The following TTLL5 variants were observed in gnomAD, a reference collection of about 807,000 sequenced individuals.
The protein encoded by TTLL5 is tubulin tyrosine ligase like 5, also known as tubulin polyglutamylase TTLL5.
Under a neutral mutation model 168.4 loss-of-function variants are expected in TTLL5, and 132 were observed. The ratio of observed to expected loss-of-function variants is 0.78; its 90% CI spans 0.68 to 0.91. The LOEUF (loss-of-function observed/expected upper bound fraction) is 0.91. Ranked by LOEUF, TTLL5 falls within the 40% of genes least tolerant of loss-of-function variation. The probability of loss-of-function intolerance (pLI) is 0.00; values close to 1 mark genes in which losing one functional copy is unlikely to be tolerated. For missense variants in TTLL5, 1,545 were observed against 1,581.5 expected (o/e 0.98, Z 0.39); for synonymous variants, 546 against 558.6 (o/e 0.98, Z 0.32).
intron 26 of TTLL5, among the ~76,000 whole-genome samples, chr14:75,791,832 ATTAT>A (rs1024763303): frequency 3.9e-5 from 6 of 152,178 alleles, no homozygotes; most frequent in African/African-American, 1.4e-4. Flanking sequence ...AATAGGTTAT[ATTAT>A]TTCTACTTTT....
chr14:75,694,811 A>G (rs1040991805), intron 6 of TTLL5, among the ~76,000 whole-genome samples: 4 of 152,206 alleles, frequency 2.6e-5, no homozygotes, highest in Non-Finnish European at 5.9e-5. Context: ...TTTTATGGAC[A>G]TTTATCACTT....
Position 75,783,337 on chromosome 14 carries a change from G to C in TTLL5, c.2793G>C (p.Gln931His), listed in dbSNP as rs1415832963. ...CAGCTATCCCCAGCATGCCTCACCA[G>C]CCAACAATTTTACTGAACACAGTCT... ...IPSAIPSMPH[Q>H]PTILLNTVSA... Residue 931 changes from glutamine (Q) to histidine (H), a missense_variant, in exon 26 of 32, where the codon CAG (glutamine) becomes CAC (histidine). Physicochemically the swap from Gln to His is conservative, Grantham distance 24. Transcript: ENST00000298832. 7 of 1,613,952 alleles carry C rather than the reference G, an allele frequency of 4.3e-6. No homozygotes were observed. The highest frequency in any genetic ancestry group is 5.9e-6 in the Non-Finnish European group (7 of 1,180,022).
At chr14:75,925,421 GCGGGGCAGAGGCGC>G (rs2034009065) in intron 31 of TTLL5, among the ~76,000 whole-genome samples, 1 of 9,806 alleles carries the variant, frequency 1.0e-4, no homozygotes, top group Non-Finnish European at 1.8e-4. Context: ...AGACGGGGCG[GCGGGGCAGAGGCGC>G]TCCTCACATC....
chr14:75,923,285 C>T (rs188916323), intron 31 of TTLL5, among the ~76,000 whole-genome samples: 1 of 152,140 alleles, frequency 6.6e-6, no homozygotes, highest in East Asian at 1.9e-4. Context: ...TTCTCTAGTT[C>T]TTTCCATTGT....
intron 28 of TTLL5, among the ~76,000 whole-genome samples, chr14:75,829,522 C>T (rs576054621): frequency 8.9e-4 from 134 of 151,380 alleles, no homozygotes; most frequent in South Asian, 6.5e-3. Context: ...TTCATTCTTG[C>T]CATCCTCAGG....
At chr14:75,699,379 TCTTA>T in intron 7 of TTLL5, 109 bp downstream of exon 7, 3 of 992,358 alleles carry the variant, frequency 3.0e-6, no homozygotes, top group Non-Finnish European at 4.6e-6. Context: ...GGTGTGCTCT[TCTTA>T]AATCTGCATT....
intron 23 of TTLL5, among the ~76,000 whole-genome samples, chr14:75,779,256 A>G (rs1009567209): frequency 1.3e-5 from 2 of 152,238 alleles, no homozygotes; most frequent in African/African-American, 4.8e-5. Context: ...ACTACTGAAC[A>G]CTTGAAGTGT....
At chr14:75,674,763 T>C (rs892481555) in intron 3 of TTLL5, among the ~76,000 whole-genome samples, 3 of 152,290 alleles carry the variant, frequency 2.0e-5, no homozygotes, top group African/African-American at 7.2e-5. Flanking sequence ...TAGCAATAGA[T>C]GTATGATGCA....
In TTLL5 at chr14:75,773,927, T is replaced by TATAGAG. The variant is rs1354936334; in HGVS notation, c.2137-1556_2137-1555insTAGAGA. Reference sequence around the variant, plus strand: ...AAATACATATATATATATATATATATAGAGAGAGAGAGAGAGAGAGAGAGA... The same window carrying TATAGAG: ...AAATACATATATATATATATATATATATAGAGAGAGAGAGAGAGAGAGAGAGAGAGA... On this transcript the variant is annotated intron_variant, in intron 21 of 31. Coordinates refer to ENST00000298832, the MANE Select transcript of TTLL5 (RefSeq NM_015072.5). Among the ~76,000 whole-genome samples, 138 of 21,086 alleles carry TATAGAG rather than the reference T, an allele frequency of 6.5e-3. 1 individual carries two copies. The highest frequency in any genetic ancestry group is 9.4e-3 in the African/African-American group (64 of 6,800). 13.8% of individuals were successfully genotyped at this position (21,086 alleles called of 152,430 possible). A position where few individuals can be genotyped will look rare whatever the true frequency, so the allele number is the denominator to read the frequency against.
chr14:75,730,174 T>C (rs1802413297), intron 12 of TTLL5, among the ~76,000 whole-genome samples: 1 of 152,252 alleles, frequency 6.6e-6, no homozygotes, highest in African/African-American at 2.4e-5. Flanking sequence ...TCTCTCTTGC[T>C]TATAAAATGT....
intron 28 of TTLL5, among the ~76,000 whole-genome samples, chr14:75,850,151 A>T (rs2139884315): frequency 6.6e-6 from 1 of 152,184 alleles, no homozygotes; most frequent in East Asian, 1.9e-4. Context: ...TCATGCCTGT[A>T]ATCCCAGCAC....
intron 29 of TTLL5, among the ~76,000 whole-genome samples, 174 bp from the exon 30 acceptor site, chr14:75,882,511 C>T (rs2031872867): frequency 6.6e-6 from 1 of 152,068 alleles, no homozygotes; most frequent in Admixed American, 6.6e-5. Flanking sequence ...AAAATATTCC[C>T]CTTCTCTGAA....
At chr14:75,911,153 G>A (rs965418895) in intron 31 of TTLL5, among the ~76,000 whole-genome samples, 4 of 152,018 alleles carry the variant, frequency 2.6e-5, no homozygotes, top group African/African-American at 4.8e-5. Context: ...TTCGCCTCCC[G>A]AGTAGCTGGG....
Position 75,836,361 on chromosome 14 carries a change from T to C in TTLL5, c.3326+16200T>C, listed in dbSNP as rs570646806. The stretch of plus-strand genomic sequence containing the variant: ...ATCAAAATAATTGAACTTGTGGAGA[T>C]AAAGAGTAGAATGCTGGTTACCAGA... On this transcript the variant is annotated intron_variant, in intron 28 of 31. Transcript: ENST00000298832. 1.1e-3 allele frequency among the ~76,000 whole-genome samples: 153 copies of C among 134,130 alleles called. 1 individual carries two copies. Among genetic ancestry groups the C allele is most frequent in the Non-Finnish European group, 1.7e-3 (109 of 65,350 alleles). 88.0% of individuals were successfully genotyped at this position (134,130 alleles called of 152,430 possible).
chr14:75,920,856 T>A (rs897624395), intron 31 of TTLL5, among the ~76,000 whole-genome samples: 1 of 152,236 alleles, frequency 6.6e-6, no homozygotes, highest in Non-Finnish European at 1.5e-5. Flanking sequence ...GTAAAAGCGT[T>A]CCTATTTCTC....
chr14:75,894,016 A>G (rs1190272740), intron 30 of TTLL5, among the ~76,000 whole-genome samples: 1 of 152,172 alleles, frequency 6.6e-6, no homozygotes, highest in Non-Finnish European at 1.5e-5. Flanking sequence ...ACTATAAAAT[A>G]ATTATTGGTC....
chr14:75,918,980 A>G (rs1267265049), intron 31 of TTLL5, among the ~76,000 whole-genome samples: 1 of 152,024 alleles, frequency 6.6e-6, no homozygotes, highest in Non-Finnish European at 1.5e-5. Flanking sequence ...AGGCAGGTGG[A>G]TCACGAGGTC....
chr14:75,789,101 A>G (rs1892546032), intron 26 of TTLL5, among the ~76,000 whole-genome samples: 2 of 152,186 alleles, frequency 1.3e-5, no homozygotes, highest in Non-Finnish European at 2.9e-5. Flanking sequence ...TTCTCTTAAA[A>G]AAAGGGTATT....
rs964495971 is a variant in TTLL5, at chr14:75,933,784, T to C, written c.3824-20640T>C. On this transcript the variant is annotated intron_variant, in intron 31 of 31. Transcript: ENST00000298832. The stretch of plus-strand genomic sequence containing the variant: ...TAGCTCTTTTAAAGAGGTGATAAAG[T>C]TAAAATGAGGCCATGCGGCAGGGCC... Among the ~76,000 whole-genome samples the C allele has an allele frequency of 1.7e-4, 26 of 152,304 alleles. No homozygotes were observed. In the East Asian group the frequency reaches 3.7e-3, roughly 21 times the overall value.
Sources: allele counts gnomAD v4.1 joint callset (sites outside exome capture counted in the v4.1 genomes callset), GRCh38; gene constraint gnomAD v4.1.1; transcripts MANE v1.5; gene names NCBI Gene and HGNC (gene_info 2026-07-23, HGNC 2026-07-21).